The following C1orf115 variants were observed in gnomAD, a reference collection of about 807,000 sequenced individuals.
The protein encoded by C1orf115 is chromosome 1 open reading frame 115, also known as required for drug-induced death protein 1.
C1orf115 carries 14 observed loss-of-function variants against 12.5 expected under a neutral mutation model. The observed-to-expected ratio is 1.12, with a 90% confidence interval of 0.74 to 1.75. The LOEUF (loss-of-function observed/expected upper bound fraction) is 1.75, where lower values mean the gene tolerates loss of function less well. Among genes scored for constraint, C1orf115 ranks in the 40% most tolerant of loss-of-function variants. The probability of loss-of-function intolerance (pLI) is 0.00; values close to 1 mark genes in which losing one functional copy is unlikely to be tolerated. For missense variants in C1orf115, 237 were observed against 220.8 expected (o/e 1.07, Z -0.46); for synonymous variants, 109 against 104.6 (o/e 1.04, Z -0.26).
At position 220,696,797 on chromosome 1, in the gene C1orf115, C is replaced by T; in HGVS notation, c.*66C>T. ...CCCCTGCTGTGGGAACTTTGTGAAT[C>T]CTGGAGCATCTCAGACTTGAACACA... On this transcript the variant is annotated 3_prime_UTR_variant, in exon 2 of 2. Transcript: ENST00000294889. 4.6e-6 allele frequency: 7 copies of T among 1,520,086 alleles called. No individual in the cohort carries two copies. The highest frequency in any genetic ancestry group is 6.3e-6 in the Non-Finnish European group (7 of 1,118,384). The allele number at this position is 1,520,086 out of a possible 1,614,324, so 94.2% of individuals were successfully genotyped here. A position where few individuals can be genotyped will look rare whatever the true frequency, so the allele number is the denominator to read the frequency against.
chr1:220,695,476 T>C (rs1670177342), intron 1 of C1orf115, among the ~76,000 whole-genome samples: 1 of 149,832 alleles, frequency 6.7e-6, no homozygotes, highest in Admixed American at 6.6e-5. Flanking sequence ...GGTGAACGTG[T>C]TCCCTGACGA....
Position 220,690,555 on chromosome 1 carries a change from C to T in C1orf115, c.153C>T (p.Ser51=). 4 of 1,465,562 alleles carry T rather than the reference C, an allele frequency of 2.7e-6. No homozygotes were observed. Among genetic ancestry groups the T allele is most frequent in the Non-Finnish European group, 3.6e-6 (4 of 1,114,348 alleles). The allele number at this position is 1,465,562 out of a possible 1,614,324, so 90.8% of individuals were successfully genotyped here. A position where few individuals can be genotyped will look rare whatever the true frequency, so the allele number is the denominator to read the frequency against. ...ACGAGGCGGAGGCGGCGGCCGAGAG[C>T]GGGACGAGCGCGGCGGACGAGCGGG... The part of the protein sequence containing the change: ...YADEAEAAAE[S]GTSAADERGP... The change falls in exon 1 of 2, where the codon AGC becomes AGT. Residue 51 remains serine, a synonymous_variant. Coordinates refer to ENST00000294889, the MANE Select transcript of C1orf115 (RefSeq NM_024709.5).
rs752536191 is a variant in C1orf115, at chr1:220,690,642, A to G, written c.240A>G (p.Pro80=). 1.9e-6 allele frequency: 3 copies of G among 1,584,724 alleles called. No homozygotes were observed. The highest frequency in any genetic ancestry group is 1.4e-5 in the African/African-American group (1 of 73,060). Residue 80 remains proline (P), a synonymous_variant, in exon 1 of 2, where the codon CCA becomes CCG. Transcript: ENST00000294889. The part of the protein sequence containing the change: ...HFALLPERYE[P]LEEPAPSEQP... ...CCCTCCTGCCCGAGCGCTACGAGCC[A>G]CTGGAGGAGCCGGCGCCGAGCGAGC...
rs774058620 is a variant in C1orf115 at position 220,696,687 on chromosome 1, G to T, written c.385G>T (p.Ala129Ser). The T allele has an allele frequency of 1.2e-6, 2 of 1,601,036 alleles. No homozygotes were observed. Among genetic ancestry groups the T allele is most frequent in the African/African-American group, 1.3e-5 (1 of 74,742 alleles). The change falls in exon 2 of 2, where the codon GCC becomes TCC. Residue 129 changes from alanine (A) to serine (S), a missense_variant. Coordinates refer to ENST00000294889, the MANE Select transcript of C1orf115 (RefSeq NM_024709.5). ...GCAAGGCTTCGCTGCAGCCTACTCC[G>T]CCCCGTTTGCGGTAGCCACCAGCGT... ...GLQGFAAAYSAPFAVATSVVS... is the reference protein window; with the variant it reads ...GLQGFAAAYSSPFAVATSVVS...
In C1orf115 at chr1:220,696,887, A is replaced by G; in HGVS notation, c.*156A>G. ...ATCACATTAGTATGATGAGTGAGTC[A>G]TCCCTGCCCATCTGCTGAGCTTCTC... is the stretch of plus-strand genomic sequence containing the variant. On this transcript the variant is annotated 3_prime_UTR_variant, in exon 2 of 2. Transcript: ENST00000294889. 1 of 891,988 alleles carries G rather than the reference A, an allele frequency of 1.1e-6. No homozygotes were observed. Among genetic ancestry groups the G allele is most frequent in the Non-Finnish European group, 1.6e-6 (1 of 638,024 alleles). The allele number at this position is 891,988 out of a possible 1,614,324, so 55.3% of individuals were successfully genotyped here.
intron 1 of C1orf115, among the ~76,000 whole-genome samples, chr1:220,692,074 T>C (rs1444903760): frequency 6.6e-6 from 1 of 152,196 alleles, no homozygotes; most frequent in Non-Finnish European, 1.5e-5. Context: ...AGTGAAGTGG[T>C]ATGAAGTAGG....
chr1:220,690,384 C>G lies in C1orf115; in HGVS notation c.-19C>G. 1 of 1,390,742 alleles carries G rather than the reference C, an allele frequency of 7.2e-7. No homozygotes were observed. Among genetic ancestry groups the G allele is most frequent in the Non-Finnish European group, 9.3e-7 (1 of 1,079,412 alleles). 86.2% of individuals were successfully genotyped at this position (1,390,742 alleles called of 1,614,324 possible). A position where few individuals can be genotyped will look rare whatever the true frequency, so the allele number is the denominator to read the frequency against. Reference sequence around the variant, plus strand: ...TGGTGTCTTTGCGCTCGGACCTTCGCCAGAGGGGCCGGGACATCATGACGG... The same window carrying G: ...TGGTGTCTTTGCGCTCGGACCTTCGGCAGAGGGGCCGGGACATCATGACGG... On this transcript the variant is annotated 5_prime_UTR_variant, in exon 1 of 2. Transcript: ENST00000294889.
Position 220,690,585 on chromosome 1 carries a change from G to C in C1orf115, c.183G>C (p.Pro61=). 1 of 1,508,074 alleles carries C rather than the reference G, an allele frequency of 6.6e-7. No individual in the cohort carries two copies. The highest frequency in any genetic ancestry group is 8.8e-7 in the Non-Finnish European group (1 of 1,131,082). 93.4% of individuals were successfully genotyped at this position (1,508,074 alleles called of 1,614,324 possible). Residue 61 remains proline (P), a synonymous_variant, in exon 1 of 2, where the codon CCG becomes CCC. Transcript: ENST00000294889. ...CGAGCGCGGCGGACGAGCGGGGCCC[G>C]GGGACCCGGGGCGCGCGGAGGGTGC... is the stretch of plus-strand genomic sequence containing the variant. ...SGTSAADERG[P]GTRGARRVHF...
intron 1 of C1orf115, among the ~76,000 whole-genome samples, chr1:220,695,901 T>C (rs1456306037): frequency 6.6e-6 from 1 of 151,928 alleles, no homozygotes; most frequent in Non-Finnish European, 1.5e-5. Context: ...TTGGTGGTGG[T>C]GGTGGTAATT....
chr1:220,697,803 T>G lies in C1orf115; in HGVS notation c.*1072T>G, dbSNP rs1294939860. The G allele has an allele frequency of 1.3e-5, 2 of 152,964 alleles. No homozygotes were observed. Among genetic ancestry groups the G allele is most frequent in the Admixed American group, 6.5e-5 (1 of 15,290 alleles). The allele number at this position is 152,964 out of a possible 1,614,324, so 9.5% of individuals were successfully genotyped here. On this transcript the variant is annotated 3_prime_UTR_variant, in exon 2 of 2. Transcript: ENST00000294889. The surrounding 1 kb of genome is among the most constrained non-coding windows in gnomAD (Gnocchi z 4.5). The stretch of plus-strand genomic sequence containing the variant: ...GACATTGGAAGAGAGAAGTTTGCTG[T>G]CCAGGAGCCAGGTCTGGAGCATCAG...
rs187038644 is a variant in C1orf115 at position 220,695,654 on chromosome 1, C to T, written c.310-958C>T. On this transcript the variant is annotated intron_variant, in intron 1 of 1. Transcript: ENST00000294889. ...GGAGAGAGAAATTCATCCTACTGGACAGATGTGGAGGTTTGTCAGGTGGTG... is the reference window on the plus strand; with the variant it reads ...GGAGAGAGAAATTCATCCTACTGGATAGATGTGGAGGTTTGTCAGGTGGTG... Among the ~76,000 whole-genome samples, 32 of 151,836 alleles carry T rather than the reference C, an allele frequency of 2.1e-4. No homozygotes were observed. In the East Asian group the frequency reaches 5.6e-3, roughly 27 times the overall value.
intron 1 of C1orf115, among the ~76,000 whole-genome samples, chr1:220,694,745 G>C (rs1670164107): frequency 1.3e-5 from 2 of 151,796 alleles, no homozygotes; most frequent in Non-Finnish European, 2.9e-5. Context: ...GAGATCTCAA[G>C]TAACGAATTG....
In C1orf115 at chr1:220,696,651, G is replaced by A. The variant is rs1670198479; in HGVS notation, c.349G>A (p.Val117Ile). The A allele has an allele frequency of 1.2e-6, 2 of 1,601,540 alleles. No homozygotes were observed. The highest frequency in any genetic ancestry group is 1.7e-6 in the Non-Finnish European group (2 of 1,169,544). Reference sequence around the variant, plus strand: ...CATCATCAAAGGATGCCGCTACGTGGTCATCGGCCTGCAAGGCTTCGCTGC... The same window carrying A: ...CATCATCAAAGGATGCCGCTACGTGATCATCGGCCTGCAAGGCTTCGCTGC... ...KVIIKGCRYV[V>I]IGLQGFAAAY... is the part of the protein sequence containing the mutation. Residue 117 changes from valine to isoleucine, a missense_variant, in exon 2 of 2, where the codon GTC (valine) becomes ATC (isoleucine). Transcript: ENST00000294889.
intron 1 of C1orf115, among the ~76,000 whole-genome samples, chr1:220,693,008 A>G (rs527381478): frequency 3.1e-4 from 47 of 152,264 alleles, no homozygotes; most frequent in African/African-American, 1.0e-3. Flanking sequence ...CTGCCCTTCA[A>G]AAGTGACTTC....
Position 220,690,578 on chromosome 1 carries a change from G to A in C1orf115, c.176G>A (p.Arg59Gln), listed in dbSNP as rs753734015. 19 of 1,501,086 alleles carry A rather than the reference G, an allele frequency of 1.3e-5. No homozygotes were observed. The South Asian group carries it at 2.2e-4, about 17-fold the overall frequency. 93.0% of individuals were successfully genotyped at this position (1,501,086 alleles called of 1,614,324 possible). A position where few individuals can be genotyped will look rare whatever the true frequency, so the allele number is the denominator to read the frequency against. The change falls in exon 1 of 2, where the codon CGG becomes CAG. Residue 59 changes from arginine to glutamine, a missense_variant. By Grantham distance (43) the Arg-to-Gln change is conservative. Coordinates refer to ENST00000294889, the MANE Select transcript of C1orf115 (RefSeq NM_024709.5). ...AGCGGGACGAGCGCGGCGGACGAGC[G>A]GGGCCCGGGGACCCGGGGCGCGCGG... Reference protein sequence around the residue: ...AESGTSAADERGPGTRGARRV... With the variant: ...AESGTSAADEQGPGTRGARRV...
rs1670080479 is a variant in C1orf115, at chr1:220,690,448, C to T, written c.46C>T (p.Leu16=). ...RLRSKAESSL[L]RRGPRGRGRT... ...CCGAAGCAAGGCGGAGAGCAGCCTC[C>T]TGCGCCGCGGGCCCCGAGGGCGAGG... Residue 16 remains leucine (L), a synonymous_variant, in exon 1 of 2, where the codon CTG becomes TTG. Transcript: ENST00000294889. 1.4e-6 allele frequency: 2 copies of T among 1,448,890 alleles called. No individual in the cohort carries two copies. The highest frequency in any genetic ancestry group is 3.0e-5 in the African/African-American group (2 of 67,010). The allele number at this position is 1,448,890 out of a possible 1,614,324, so 89.8% of individuals were successfully genotyped here.
In C1orf115 at chr1:220,698,766, C is replaced by G. The variant is rs911018296; in HGVS notation, c.*2035C>G. On this transcript the variant is annotated 3_prime_UTR_variant, in exon 2 of 2. Coordinates refer to ENST00000294889, the MANE Select transcript of C1orf115 (RefSeq NM_024709.5). ...CCCCAAATTGGAAAAACCGTACATT[C>G]AAGCCTGTTTGGCCCTGAAATTCTT... 22 of 152,342 alleles carry G rather than the reference C, an allele frequency of 1.4e-4. No individual in the cohort carries two copies. The highest frequency in any genetic ancestry group is 5.3e-4 in the African/African-American group (22 of 41,564). 9.4% of individuals were successfully genotyped at this position (152,342 alleles called of 1,614,324 possible).
chr1:220,698,926 G>A lies in C1orf115; in HGVS notation c.*2195G>A, dbSNP rs1167209872. The A allele has an allele frequency of 6.6e-6, 1 of 152,178 alleles. No individual in the cohort carries two copies. Among genetic ancestry groups the A allele is most frequent in the Non-Finnish European group, 1.5e-5 (1 of 68,030 alleles). 9.4% of individuals were successfully genotyped at this position (152,178 alleles called of 1,614,324 possible). On this transcript the variant is annotated 3_prime_UTR_variant, in exon 2 of 2. Transcript: ENST00000294889. The stretch of plus-strand genomic sequence containing the variant: ...ACCTGAGCCGTCATTCTCTGTGGCA[G>A]GGCTGCCCTGGGTTTCTCTTACTCA...
chr1:220,695,356 A>G (rs1365924816), intron 1 of C1orf115, among the ~76,000 whole-genome samples: 1 of 152,106 alleles, frequency 6.6e-6, no homozygotes, highest in Non-Finnish European at 1.5e-5. Context: ...CACTGACACC[A>G]AGTATCAAGG....
Sources: gnomAD v4.1 joint callset for allele counts (sites outside exome capture counted in the v4.1 genomes callset) on GRCh38, gnomAD v4.1.1 for gene constraint, Gnocchi (gnomAD v3.1) non-coding constraint, MANE v1.5 for transcripts, NCBI Gene and HGNC (gene_info 2026-07-23, HGNC 2026-07-21) for gene names.